The following EDNRB variants were observed in gnomAD, a reference collection of about 807,000 sequenced individuals.
EDNRB encodes the protein Hirschsprung disease 2.
A neutral mutation model predicts 46.4 loss-of-function variants in EDNRB; 18 were observed. The observed-to-expected ratio is 0.39, with a 90% CI of 0.27 to 0.57. EDNRB has a LOEUF of 0.57. Ranked by LOEUF, EDNRB falls within the 20% of genes least tolerant of loss-of-function variation. The pLI is 0.61. For synonymous variants in EDNRB, 213 were observed against 204.9 expected (o/e 1.04, Z -0.34); for missense variants, 434 against 537.5 (o/e 0.81, Z 1.90).
Position 77,895,836 on chromosome 13 carries a change from A to G in EDNRB, c.*2364T>C, listed in dbSNP as rs1878595059. The stretch of plus-strand genomic sequence containing the variant: ...TTCCTTTGGCCATATGTAAGCTATC[A>G]ATACTAAAAGGTGTTTGAACATACA... On this transcript the variant is annotated 3_prime_UTR_variant, in exon 7 of 7. Coordinates refer to ENST00000646607, the MANE Select transcript of EDNRB (RefSeq NM_001122659.3). 1 of 152,176 alleles carries G rather than the reference A, an allele frequency of 6.6e-6. No individual in the cohort carries two copies. The highest frequency in any genetic ancestry group is 6.6e-5 in the Admixed American group (1 of 15,230). The allele number at this position is 152,176 out of a possible 1,614,324, so 9.4% of individuals were successfully genotyped here.
chr13:77,918,771 G>A lies in EDNRB; in HGVS notation c.-198C>T. The A allele has an allele frequency of 7.5e-7, 1 of 1,335,018 alleles. No homozygotes were observed. The highest frequency in any genetic ancestry group is 2.3e-5 in the South Asian group (1 of 43,884). The allele number at this position is 1,335,018 out of a possible 1,614,324, so 82.7% of individuals were successfully genotyped here. On this transcript the variant is annotated 5_prime_UTR_variant, in exon 1 of 7. Transcript: ENST00000646607. The surrounding 1 kb of genome is among the most constrained non-coding windows in gnomAD (Gnocchi z 4.5). ...TTTGCGCGCCAGTGGGAAACTTGGC[G>A]CTCATGACTCGCCAGCGCGGGTCGA...
chr13:77,971,503 C>T (rs1309795051), intron 1 of EDNRB, among the ~76,000 whole-genome samples: 1 of 151,646 alleles, frequency 6.6e-6, no homozygotes, highest in Non-Finnish European at 1.5e-5. Context: ...ACTCCAACTG[C>T]CATTTTTTTT....
chr13:77,924,362 CATGGGA>C (rs1213357113), upstream of EDNRB, among the ~76,000 whole-genome samples: 1 of 152,110 alleles, frequency 6.6e-6, no homozygotes, highest in Non-Finnish European at 1.5e-5. Flanking sequence ...CACAGAATCT[CATGGGA>C]AATGCACAGG....
chr13:77,912,622 A>G (rs531159468), intron 1 of EDNRB, among the ~76,000 whole-genome samples: 1 of 152,236 alleles, frequency 6.6e-6, no homozygotes, highest in African/African-American at 2.4e-5. Context: ...AGTTGCAGCC[A>G]CTATGATAGA....
At chr13:77,953,987 A>T (rs1881163029) in intron 1 of EDNRB, among the ~76,000 whole-genome samples, 1 of 152,222 alleles carries the variant, frequency 6.6e-6, no homozygotes, top group African/African-American at 2.4e-5. Context: ...ATAAAAACAG[A>T]TACAATATTA....
At position 77,896,751 on chromosome 13, in the gene EDNRB, G is replaced by T; in HGVS notation, c.*1449C>A. On this transcript the variant is annotated 3_prime_UTR_variant, in exon 7 of 7. Coordinates refer to ENST00000646607, the MANE Select transcript of EDNRB (RefSeq NM_001122659.3). ...CTAAGAATGGGAATCTGTCCCCATG[G>T]GTTTCCTCCAACCCCACCTCATTTC... 2 of 1,361,506 alleles carry T rather than the reference G, an allele frequency of 1.5e-6. No individual in the cohort carries two copies. Among genetic ancestry groups the T allele is most frequent in the South Asian group, 1.7e-5 (1 of 59,000 alleles). 84.3% of individuals were successfully genotyped at this position (1,361,506 alleles called of 1,614,324 possible). A position where few individuals can be genotyped will look rare whatever the true frequency, so the allele number is the denominator to read the frequency against.
At chr13:77,930,089 T>C (rs1264021081) in intron 1 of EDNRB, among the ~76,000 whole-genome samples, 1 of 152,186 alleles carries the variant, frequency 6.6e-6, no homozygotes, top group Non-Finnish European at 1.5e-5. Context: ...TTATTGGCAT[T>C]GGTGGTTATG....
At chr13:77,932,761 T>A (rs1216508408) in intron 1 of EDNRB, among the ~76,000 whole-genome samples, 1 of 152,250 alleles carries the variant, frequency 6.6e-6, no homozygotes, top group Non-Finnish European at 1.5e-5. Flanking sequence ...ATCTGTTCAA[T>A]AATTGGTGTT....
chr13:77,951,185 G>A (rs1012189346), intron 1 of EDNRB, among the ~76,000 whole-genome samples: 11 of 152,182 alleles, frequency 7.2e-5, no homozygotes, highest in African/African-American at 2.7e-4. Flanking sequence ...CAGGTTTTGG[G>A]CAATAGCAGT....
At chr13:77,922,587 A>C (rs927160822), upstream of EDNRB, among the ~76,000 whole-genome samples, 3 of 152,224 alleles carry the variant, frequency 2.0e-5, no homozygotes, top group Non-Finnish European at 1.5e-5. Context: ...AGATTCAATG[A>C]TCAAATAGTG....
At chr13:77,963,847 G>A (rs1052598448) in intron 1 of EDNRB, among the ~76,000 whole-genome samples, 5 of 152,096 alleles carry the variant, frequency 3.3e-5, no homozygotes, top group African/African-American at 1.2e-4. Flanking sequence ...TACAGAATGG[G>A]AGAAAATTTT....
chr13:77,955,113 C>T (rs547079640), intron 1 of EDNRB, among the ~76,000 whole-genome samples: 1 of 152,294 alleles, frequency 6.6e-6, no homozygotes, highest in South Asian at 2.1e-4. Flanking sequence ...AATTTCTCCA[C>T]CTCCTTTCTA....
At chr13:77,955,755 C>T (rs1293829435) in intron 1 of EDNRB, among the ~76,000 whole-genome samples, 1 of 152,016 alleles carries the variant, frequency 6.6e-6, no homozygotes, top group African/African-American at 2.4e-5. Context: ...ACATTCTTGA[C>T]ATCCTTGTTA....
At chr13:77,964,004 A>G (rs1881505348) in intron 1 of EDNRB, among the ~76,000 whole-genome samples, 1 of 152,244 alleles carries the variant, frequency 6.6e-6, no homozygotes, top group Non-Finnish European at 1.5e-5. Context: ...TATGCAGCCA[A>G]CAGACACATG....
At chr13:77,934,458 AC>A (rs1880496770) in intron 1 of EDNRB, among the ~76,000 whole-genome samples, 1 of 152,088 alleles carries the variant, frequency 6.6e-6, no homozygotes, top group Non-Finnish European at 1.5e-5. Flanking sequence ...CTGCTATTAG[AC>A]TGTATAGAGG....
At chr13:77,906,280 AT>A (rs1351997217) in intron 1 of EDNRB, among the ~76,000 whole-genome samples, 1 of 151,940 alleles carries the variant, frequency 6.6e-6, no homozygotes, top group Non-Finnish European at 1.5e-5. Context: ...AGAACTGCCA[AT>A]TACCCTTAGA....
At chr13:77,948,277 G>A (rs979064131) in intron 1 of EDNRB, among the ~76,000 whole-genome samples, 3 of 152,126 alleles carry the variant, frequency 2.0e-5, no homozygotes, top group Admixed American at 1.3e-4. Context: ...TAGAGTTAAT[G>A]ATGTTATGGG....
intron 1 of EDNRB, among the ~76,000 whole-genome samples, chr13:77,934,962 A>T (rs1880517708): frequency 6.7e-6 from 1 of 149,304 alleles, no homozygotes; most frequent in Non-Finnish European, 1.5e-5. Context: ...AGATACAGTC[A>T]TGGGGGTCAG....
intron 1 of EDNRB, among the ~76,000 whole-genome samples, chr13:77,906,208 GA>G (rs1879270821): frequency 6.6e-6 from 1 of 151,760 alleles, no homozygotes; most frequent in Non-Finnish European, 1.5e-5. Flanking sequence ...GCCATTTACT[GA>G]AATGGGGGAG....
Sources: gnomAD v4.1 joint callset for allele counts (sites outside exome capture counted in the v4.1 genomes callset) on GRCh38, gnomAD v4.1.1 for gene constraint, Gnocchi (gnomAD v3.1) non-coding constraint, MANE v1.5 for transcripts, NCBI Gene and HGNC (gene_info 2026-07-23, HGNC 2026-07-21) for gene names.